RNF138: variants seen among roughly 807,000 people sequenced by gnomAD.
RNF138 encodes the protein E3 ubiquitin-protein ligase RNF138.
RNF138 carries 12 observed loss-of-function variants against 31.0 expected under a neutral mutation model. The observed-to-expected ratio is 0.39, with a 90% confidence interval of 0.25 to 0.63. RNF138 has a LOEUF of 0.63. Among genes scored for constraint, RNF138 ranks in the 20% least tolerant of loss-of-function variants. The pLI is 0.52. For synonymous variants in RNF138, 105 were observed against 99.5 expected (o/e 1.06, Z -0.33); for missense variants, 192 against 300.1 (o/e 0.64, Z 2.66).
At chr18:32,098,726 G>A (rs1002043982) in intron 2 of RNF138, among the ~76,000 whole-genome samples, 5 of 151,796 alleles carry the variant, frequency 3.3e-5, no homozygotes, top group African/African-American at 4.8e-5. Flanking sequence ...GGCGGCAGGC[G>A]CCTGTAATCC....
At chr18:32,100,544 CG>C (rs2039916688) in intron 2 of RNF138, among the ~76,000 whole-genome samples, 1 of 139,122 alleles carries the variant, frequency 7.2e-6, no homozygotes, top group Non-Finnish European at 1.5e-5. Flanking sequence ...GGCGCGATCT[CG>C]GCTCACTGCA....
At chr18:32,100,052 A>G (rs1254068649) in intron 2 of RNF138, among the ~76,000 whole-genome samples, 1 of 152,216 alleles carries the variant, frequency 6.6e-6, no homozygotes, top group Non-Finnish European at 1.5e-5. Context: ...GGGATTTAAT[A>G]CTTTTTAAAT....
chr18:32,128,973 T>C, intron 7 of RNF138, 146 bp from the exon 8 acceptor site: 1 of 555,658 alleles, frequency 1.8e-6, no homozygotes. Flanking sequence ...TAAAAGATAC[T>C]GTTATATATG....
intron 2 of RNF138, among the ~76,000 whole-genome samples, chr18:32,097,977 T>TGTGTG (rs763759065): frequency 0.076 from 3,754 of 49,694 alleles, 69 homozygotes; most frequent in Admixed American, 0.1. Flanking sequence ...TGTGTGTGTG[T>TGTGTG]TATTTTTGTT....
At chr18:32,102,195 C>CTTTTTTTTTTTTTT (rs1167535943) in intron 2 of RNF138, among the ~76,000 whole-genome samples, 7 of 63,814 alleles carry the variant, frequency 1.1e-4, no homozygotes, top group East Asian at 5.6e-4. Flanking sequence ...CTTTTAGTTT[C>CTTTTTTTTTTTTTT]TTTTTTTTTT....
intron 2 of RNF138, 119 bp from the exon 3 acceptor site, chr18:32,111,633 CAT>C (rs1183657538): frequency 3.8e-6 from 3 of 780,916 alleles, no homozygotes; most frequent in East Asian, 2.7e-5. Flanking sequence ...GATTTATGTA[CAT>C]ATGAGTAGCC....
intron 2 of RNF138, among the ~76,000 whole-genome samples, chr18:32,101,839 T>C (rs2144575088): frequency 6.6e-6 from 1 of 152,274 alleles, no homozygotes; most frequent in South Asian, 2.1e-4. Context: ...AAAATGTATT[T>C]CTTTAGTTGC....
chr18:32,117,446 G>A (rs1283633305), intron 4 of RNF138, among the ~76,000 whole-genome samples: 1 of 152,038 alleles, frequency 6.6e-6, no homozygotes, highest in African/African-American at 2.4e-5. Flanking sequence ...CTGAAGAAGA[G>A]AGCTGAATAG....
chr18:32,108,935 T>C (rs1293523358), intron 2 of RNF138, among the ~76,000 whole-genome samples: 1 of 152,124 alleles, frequency 6.6e-6, no homozygotes, highest in Non-Finnish European at 1.5e-5. Flanking sequence ...CCCAAAGTGC[T>C]GGGATTATAG....
intron 4 of RNF138, among the ~76,000 whole-genome samples, chr18:32,118,831 A>G (rs1451806469): frequency 6.6e-6 from 1 of 151,966 alleles, no homozygotes; most frequent in African/African-American, 2.4e-5. Context: ...CTCCGTCTCA[A>G]AAAAAAAGAA....
intron 6 of RNF138, 86 bp downstream of exon 6, chr18:32,124,931 A>G: frequency 1.4e-6 from 1 of 719,554 alleles, no homozygotes. Flanking sequence ...AAGAGAAAGT[A>G]GTTGATTTAT....
Position 32,092,009 on chromosome 18 carries a change from C to G in RNF138, c.-304C>G, listed in dbSNP as rs1416253858. 4 of 152,648 alleles carry G rather than the reference C, an allele frequency of 2.6e-5. No individual in the cohort carries two copies. Among genetic ancestry groups the G allele is most frequent in the African/African-American group, 9.6e-5 (4 of 41,482 alleles). 9.5% of individuals were successfully genotyped at this position (152,648 alleles called of 1,614,324 possible). On this transcript the variant is annotated 5_prime_UTR_variant, in exon 1 of 8. Transcript: ENST00000261593. The stretch of plus-strand genomic sequence containing the variant: ...GGCTGTAGGCAGCGCAATGCCAAGA[C>G]AGAGCTGCTGGCGGCGGCGGGCGAA...
intron 6 of RNF138, among the ~76,000 whole-genome samples, chr18:32,125,806 C>A (rs2144292213): frequency 6.6e-6 from 1 of 152,074 alleles, no homozygotes; most frequent in African/African-American, 2.4e-5. Context: ...CTTCAATAAC[C>A]ATTGAGGATG....
At chr18:32,115,387 G>C (rs138672640) in intron 4 of RNF138, among the ~76,000 whole-genome samples, 34 of 152,202 alleles carry the variant, frequency 2.2e-4, no homozygotes, top group African/African-American at 8.2e-4. Context: ...AGCCTTTTTA[G>C]CTGGTAGTTA....
intron 6 of RNF138, among the ~76,000 whole-genome samples, chr18:32,125,608 T>C (rs999320736): frequency 6.6e-6 from 1 of 152,174 alleles, no homozygotes; most frequent in Non-Finnish European, 1.5e-5. Flanking sequence ...CTAAGCTGTT[T>C]TAGTGAGTAT....
chr18:32,118,382 A>G (rs1568237320), intron 4 of RNF138, among the ~76,000 whole-genome samples: 1 of 151,676 alleles, frequency 6.6e-6, no homozygotes, highest in Non-Finnish European at 1.5e-5. Flanking sequence ...AAAAATACAA[A>G]AATTAGCCAG....
At chr18:32,105,796 C>T (rs2040018570) in intron 2 of RNF138, among the ~76,000 whole-genome samples, 1 of 152,188 alleles carries the variant, frequency 6.6e-6, no homozygotes, top group Admixed American at 6.5e-5. Context: ...AAATGATGGA[C>T]TGAATGTCGT....
At chr18:32,125,483 G>T (rs753933082) in intron 6 of RNF138, among the ~76,000 whole-genome samples, 1 of 152,190 alleles carries the variant, frequency 6.6e-6, no homozygotes, top group Non-Finnish European at 1.5e-5. Flanking sequence ...TGGAACAGGA[G>T]AAACTGAGCT....
intron 2 of RNF138, among the ~76,000 whole-genome samples, chr18:32,096,599 C>T (rs1051950025): frequency 6.6e-5 from 10 of 151,804 alleles, no homozygotes; most frequent in Admixed American, 1.3e-4. Context: ...AGACAAGGAA[C>T]GAACAGAAGG....
Sources: allele counts gnomAD v4.1 joint callset (sites outside exome capture counted in the v4.1 genomes callset), GRCh38; gene constraint gnomAD v4.1.1; transcripts MANE v1.5; gene names NCBI Gene and HGNC (gene_info 2026-07-23, HGNC 2026-07-21).